The following THTPA variants were observed in gnomAD, a reference collection of about 807,000 sequenced individuals.
THTPA encodes thiamine-triphosphatase.
Under a neutral mutation model 16.5 loss-of-function variants are expected in THTPA, and 16 were observed. That is an observed-to-expected ratio of 0.97 (90% confidence interval 0.66 to 1.47). THTPA has a LOEUF of 1.47. THTPA is among the 40% of genes most tolerant of loss of function. The pLI, the probability that THTPA is intolerant of heterozygous loss-of-function variation, is 0.00. For missense variants in THTPA, 281 were observed against 280.9 expected (o/e 1.00, Z 0.00); for synonymous variants, 110 against 115.5 (o/e 0.95, Z 0.30).
the THTPA span, chr14:23,533,173 G>T: frequency 6.9e-7 from 1 of 1,441,564 alleles, no homozygotes. This position sits in a 1 kb window ranked among gnomAD's most constrained non-coding sequence, Gnocchi z 4.8. Flanking sequence ...GAGTAGGATA[G>T]TGCTCAGAGG....
At chr14:23,535,244 A>C in the THTPA span, 3 of 1,515,678 alleles carry the variant, frequency 2.0e-6, no homozygotes, top group Non-Finnish European at 2.6e-6. The surrounding 1 kb of genome is among the most constrained non-coding windows in gnomAD (Gnocchi z 4.5). Context: ...CTGGAGGAGA[A>C]GGTGTCCGAA....
At chr14:23,514,060 G>A in the THTPA span, 1 of 152,590 alleles carries the variant, frequency 6.6e-6, no homozygotes, top group South Asian at 2.1e-4. Flanking sequence ...GAGGTGGGTG[G>A]GTGCTGGCAC....
chr14:23,531,352 C>T, the THTPA span: 2 of 1,265,674 alleles, frequency 1.6e-6, no homozygotes, highest in Non-Finnish European at 2.0e-6. Context: ...GCAGCTTCTT[C>T]CCATTTAGTA....
At chr14:23,533,155 G>C in the THTPA span, 1 of 1,457,366 alleles carries the variant, frequency 6.9e-7, no homozygotes, top group Admixed American at 2.4e-5. This position sits in a 1 kb window ranked among gnomAD's most constrained non-coding sequence, Gnocchi z 4.8. Flanking sequence ...GTGGGGAGGT[G>C]GGTTAATGAG....
chr14:23,529,442 C>T, the THTPA span: 1 of 454,670 alleles, frequency 2.2e-6, no homozygotes, highest in South Asian at 2.4e-5. Flanking sequence ...CTCTTTCCTA[C>T]TCTCAGCACA....
chr14:23,525,321 G>C, the THTPA span: 4 of 1,535,992 alleles, frequency 2.6e-6, no homozygotes, highest in Non-Finnish European at 2.6e-6. This position sits in a 1 kb window ranked among gnomAD's most constrained non-coding sequence, Gnocchi z 5.9. Context: ...GGTGAATCCA[G>C]AGACCCATCA....
chr14:23,533,597 C>G, the THTPA span: 1 of 1,536,728 alleles, frequency 6.5e-7, no homozygotes, highest in South Asian at 1.2e-5. The surrounding 1 kb of genome is among the most constrained non-coding windows in gnomAD (Gnocchi z 4.8). Flanking sequence ...ATGTTTGTCT[C>G]GTAGCTGCAC....
chr14:23,530,259 C>T, the THTPA span: 3 of 1,231,990 alleles, frequency 2.4e-6, 1 homozygote, highest in Middle Eastern at 5.5e-4. Flanking sequence ...GGACATAGGA[C>T]AGAGGAAGCA....
the THTPA span, chr14:23,525,335 G>T: frequency 2.0e-6 from 3 of 1,536,114 alleles, no homozygotes; most frequent in South Asian, 2.4e-5. This position sits in a 1 kb window ranked among gnomAD's most constrained non-coding sequence, Gnocchi z 5.9. Flanking sequence ...CCCATCAGGA[G>T]GTTTGGGAGG....
the THTPA span, among the ~76,000 whole-genome samples, chr14:23,547,805 T>C: frequency 9.2e-5 from 14 of 152,322 alleles, no homozygotes; most frequent in South Asian, 2.7e-3. Flanking sequence ...TCAGTAGATA[T>C]TTATTAAGCC....
upstream of THTPA, among the ~76,000 whole-genome samples, chr14:23,554,549 ATT>A (rs35367737): frequency 2.4e-3 from 320 of 135,548 alleles, 1 homozygote; most frequent in African/African-American, 7.2e-3. Flanking sequence ...GCTAATTAAA[ATT>A]TTTTTTTTTT....
chr14:23,524,084 C>T, the THTPA span: 1 of 1,527,104 alleles, frequency 6.5e-7, no homozygotes. The surrounding 1 kb of genome is among the most constrained non-coding windows in gnomAD (Gnocchi z 5.6). Context: ...CCTCCCAGTG[C>T]CATCATCTAC....
In THTPA at chr14:23,560,022, C is replaced by G. The variant is rs35523637; in HGVS notation, c.*1182C>G. The G allele has an allele frequency of 1.2e-5, 20 of 1,608,346 alleles. No individual in the cohort carries two copies. The highest frequency in any genetic ancestry group is 1.8e-4 in the Middle Eastern group (1 of 5,624). The stretch of plus-strand genomic sequence containing the variant: ...CTGTGTTCCCACTGGGGGCCTGCAG[C>G]TGCAGCTGGAGACTCTGAACACAGG... On this transcript the variant is annotated 3_prime_UTR_variant, in exon 2 of 2. Transcript: ENST00000288014.
chr14:23,526,589 C>T, the THTPA span: 1 of 1,535,596 alleles, frequency 6.5e-7, no homozygotes, highest in Non-Finnish European at 8.7e-7. Context: ...TTGGCCAGGG[C>T]TTCCTGAGGG....
chr14:23,553,343 T>A (rs1316658445), upstream of THTPA, among the ~76,000 whole-genome samples: 1 of 152,198 alleles, frequency 6.6e-6, no homozygotes, highest in Admixed American at 6.5e-5. Flanking sequence ...CTCACTCCTG[T>A]AATCCCAGCA....
At chr14:23,524,113 G>A in the THTPA span, 23 of 1,535,100 alleles carry the variant, frequency 1.5e-5, no homozygotes, top group Non-Finnish European at 2.0e-5. The surrounding 1 kb of genome is among the most constrained non-coding windows in gnomAD (Gnocchi z 5.6). Context: ...ATAAGAGGTT[G>A]AACTTGGGCA....
chr14:23,530,207 G>C, the THTPA span: 5 of 1,522,046 alleles, frequency 3.3e-6, no homozygotes, highest in African/African-American at 4.1e-5. Flanking sequence ...GTGTAGGATG[G>C]GGGGAGAGTC....
At chr14:23,517,938 A>G in the THTPA span, among the ~76,000 whole-genome samples, 2 of 152,130 alleles carry the variant, frequency 1.3e-5, no homozygotes, top group African/African-American at 4.8e-5. Context: ...CTTACCGGTT[A>G]CTTTTTCCTC....
At chr14:23,550,578 C>T in the THTPA span, among the ~76,000 whole-genome samples, 11 of 152,242 alleles carry the variant, frequency 7.2e-5, no homozygotes, top group African/African-American at 2.6e-4. Context: ...AAGTCAGGGA[C>T]ACATGGACAG....
Sources: allele counts gnomAD v4.1 joint callset (sites outside exome capture counted in the v4.1 genomes callset), GRCh38; gene constraint gnomAD v4.1.1; non-coding constraint Gnocchi (gnomAD v3.1); transcripts MANE v1.5; gene names NCBI Gene and HGNC (gene_info 2026-07-23, HGNC 2026-07-21).